Variants in XYLT2 observed in about 807,000 individuals in gnomAD.
The protein encoded by XYLT2 is xylosyltransferase 2.
In XYLT2, 37 loss-of-function variants were observed where a neutral mutation model predicts 82.6. The observed-to-expected ratio is 0.45, with a 90% CI of 0.34 to 0.59. The LOEUF (loss-of-function observed/expected upper bound fraction) is 0.59. Among genes scored for constraint, XYLT2 ranks in the 20% least tolerant of loss-of-function variants. The pLI, the probability that XYLT2 is intolerant of heterozygous loss-of-function variation, is 0.01. For synonymous variants in XYLT2, 474 were observed against 499.0 expected (o/e 0.95, Z 0.67); for missense variants, 934 against 1,181.3 (o/e 0.79, Z 3.07).
At position 50,353,687 on chromosome 17, in the gene XYLT2, G is replaced by A. The variant is rs1211266718; in HGVS notation, c.193G>A (p.Asp65Asn). The part of the protein sequence containing the change: ...LDPGEGSKDT[D>N]SSAGRRGSTG... ...CCCTGGCGAGGGTTCCAAGGACACA[G>A]ACAGTTCAGCAGGGCGACGGGGCAG... Residue 65 changes from aspartate (D) to asparagine (N), a missense_variant, in exon 2 of 11, where the codon GAC becomes AAC. Asp to Asn is a conservative substitution (Grantham distance 23). Around this residue, in one of 3 missense-constraint regions of XYLT2, gnomAD observed 371 missense variants for 394.9 expected, o/e 0.94. Transcript: ENST00000017003. 6.4e-7 allele frequency: 1 copy of A among 1,565,610 alleles called. No individual in the cohort carries two copies. Among genetic ancestry groups the A allele is most frequent in the Non-Finnish European group, 8.7e-7 (1 of 1,154,084 alleles).
At chr17:50,347,075 T>C (rs1261049036) in intron 1 of XYLT2, 6 of 331,666 alleles carry the variant, frequency 1.8e-5, no homozygotes, top group Non-Finnish European at 2.6e-5. Context: ...CGAGGGTCTT[T>C]CTCCCTCTTC....
chr17:50,358,329 G>A lies in XYLT2; in HGVS notation c.2064G>A (p.Val688=), dbSNP rs1446622815. Residue 688 remains valine (V), a synonymous_variant, in exon 10 of 11, where the codon GTG becomes GTA. Coordinates refer to ENST00000017003, the MANE Select transcript of XYLT2 (RefSeq NM_022167.4). ...WARGPNLTAT[V]VWIDPTYVVA... ...GGGGCCCCAACCTCACAGCCACAGT[G>A]GTCTGGATCGACCCAACCTATGTGG... 2 of 1,613,898 alleles carry A rather than the reference G, an allele frequency of 1.2e-6. No homozygotes were observed. The highest frequency in any genetic ancestry group is 1.7e-5 in the Admixed American group (1 of 59,998).
chr17:50,346,906 G>T lies in XYLT2; in HGVS notation c.135+631G>T. 2 of 985,402 alleles carry T rather than the reference G, an allele frequency of 2.0e-6. No individual in the cohort carries two copies. 61.0% of individuals were successfully genotyped at this position (985,402 alleles called of 1,614,324 possible). On this transcript the variant is annotated intron_variant, in intron 1 of 10. Coordinates refer to ENST00000017003, the MANE Select transcript of XYLT2 (RefSeq NM_022167.4). The surrounding 1 kb of genome is among the most constrained non-coding windows in gnomAD (Gnocchi z 5.1). ...GTTTGAAGAACCTGGATGGGTCTCC[G>T]GAGGGCAGGGAGAGGAGGAACTGAG...
chr17:50,349,113 C>A (rs1187590184), intron 1 of XYLT2, among the ~76,000 whole-genome samples: 3 of 152,238 alleles, frequency 2.0e-5, no homozygotes, highest in Admixed American at 1.3e-4. Flanking sequence ...CACATCCTGG[C>A]CCCCACCACA....
At chr17:50,355,676 C>A (rs183839043) in intron 5 of XYLT2, 95 bp downstream of exon 5, 492 of 1,586,392 alleles carry the variant, frequency 3.1e-4, no homozygotes, top group Middle Eastern at 1.2e-3. Flanking sequence ...GGTTTCAAAG[C>A]CTCCACACCA....
At chr17:50,357,996 C>T (rs954560917) in intron 9 of XYLT2, 6 of 584,682 alleles carry the variant, frequency 1.0e-5, no homozygotes, top group Admixed American at 9.0e-5. Context: ...ACCTCCACTG[C>T]CTAGCAGTCA....
rs142287035 is a variant in XYLT2 at position 50,360,490 on chromosome 17, C to T, written c.*199C>T. ...TCTCTGTTGGGGATCAGAGGGCTGGCGGGAACGCGAGAAGGGCACCAGCAG... is the reference window on the plus strand; with the variant it reads ...TCTCTGTTGGGGATCAGAGGGCTGGTGGGAACGCGAGAAGGGCACCAGCAG... On this transcript the variant is annotated 3_prime_UTR_variant, in exon 11 of 11. Coordinates refer to ENST00000017003, the MANE Select transcript of XYLT2 (RefSeq NM_022167.4). 1.4e-5 allele frequency: 18 copies of T among 1,297,010 alleles called. No homozygotes were observed. Among genetic ancestry groups the T allele is most frequent in the Middle Eastern group, 2.9e-4 (1 of 3,440 alleles). The allele number at this position is 1,297,010 out of a possible 1,614,324, so 80.3% of individuals were successfully genotyped here.
In XYLT2 at chr17:50,360,925, G is replaced by A. The variant is rs146505862; in HGVS notation, c.*634G>A. On this transcript the variant is annotated 3_prime_UTR_variant, in exon 11 of 11. Transcript: ENST00000017003. ...CAGGGGACCCTAGAAGTGGGGTGGG[G>A]CGGCTCCAGGGCTTTCCAGCATACC... 18 of 985,870 alleles carry A rather than the reference G, an allele frequency of 1.8e-5. No individual in the cohort carries two copies. The highest frequency in any genetic ancestry group is 2.2e-5 in the Non-Finnish European group (18 of 830,096). The allele number at this position is 985,870 out of a possible 1,614,324, so 61.1% of individuals were successfully genotyped here.
rs1912728230 is a variant in XYLT2, at chr17:50,359,970, T to A, written c.2277T>A (p.Asp759Glu). The part of the protein sequence containing the change: ...TFNRKLPLRK[D>E]DASWLHAGPP... Reference sequence around the variant, plus strand: ...TTACTGCCTGCTCTGCACCCACAGATGATGCCAGCTGGCTGCACGCAGGGC... The same window carrying A: ...TTACTGCCTGCTCTGCACCCACAGAAGATGCCAGCTGGCTGCACGCAGGGC... Residue 759 changes from aspartate (D) to glutamate (E), a missense_variant and splice_region_variant, in exon 11 of 11, where the codon GAT becomes GAA. Coordinates refer to ENST00000017003, the MANE Select transcript of XYLT2 (RefSeq NM_022167.4). 6.3e-7 allele frequency: 1 copy of A among 1,592,196 alleles called. No individual in the cohort carries two copies. The highest frequency in any genetic ancestry group is 1.1e-5 in the South Asian group (1 of 88,342).
chr17:50,350,382 A>G (rs1413650876), intron 1 of XYLT2, among the ~76,000 whole-genome samples: 1 of 107,600 alleles, frequency 9.3e-6, no homozygotes, highest in African/African-American at 3.2e-5. Context: ...CCTGGCCAAC[A>G]TGGTGAAACT....
rs1170645234 is a variant in XYLT2, at chr17:50,360,479, C to A, written c.*188C>A. 6.8e-6 allele frequency: 9 copies of A among 1,324,610 alleles called. No individual in the cohort carries two copies. The highest frequency in any genetic ancestry group is 8.6e-6 in the Non-Finnish European group (9 of 1,040,680). 82.1% of individuals were successfully genotyped at this position (1,324,610 alleles called of 1,614,324 possible). On this transcript the variant is annotated 3_prime_UTR_variant, in exon 11 of 11. Transcript: ENST00000017003. ...TACTGCTGATGTCTCTGTTGGGGAT[C>A]AGAGGGCTGGCGGGAACGCGAGAAG...
intron 1 of XYLT2, among the ~76,000 whole-genome samples, chr17:50,350,988 C>G (rs1204963115): frequency 6.6e-6 from 1 of 152,106 alleles, no homozygotes; most frequent in African/African-American, 2.4e-5. Context: ...GTGAGCATGA[C>G]AAATTCCCAG....
At chr17:50,350,819 G>A (rs1040558996) in intron 1 of XYLT2, among the ~76,000 whole-genome samples, 6 of 152,188 alleles carry the variant, frequency 3.9e-5, no homozygotes, top group Non-Finnish European at 5.9e-5. Flanking sequence ...CTGAGAAGAT[G>A]CCATCTGAAC....
chr17:50,348,872 C>A (rs1912143455), intron 1 of XYLT2, among the ~76,000 whole-genome samples: 1 of 152,072 alleles, frequency 6.6e-6, no homozygotes, highest in South Asian at 2.1e-4. Context: ...ATCAGAAGGG[C>A]TCCTGACCTC....
In XYLT2 at chr17:50,353,835, C is replaced by A; in HGVS notation, c.341C>A (p.Pro114His). The change falls in exon 2 of 11, where the codon CCC (proline) becomes CAC (histidine). Residue 114 changes from proline (P) to histidine (H), a missense_variant. Physicochemically the swap from Pro to His is moderately conservative, Grantham distance 77. Coordinates refer to ENST00000017003, the MANE Select transcript of XYLT2 (RefSeq NM_022167.4). ...AGCCGGCGGGTCCCACCTGCCCCAC[C>A]CCCGGAAGCCCCAGGCCGCCAGAAC... ...RASRRVPPAP[P>H]PEAPGRQNLS... 6.3e-7 allele frequency: 1 copy of A among 1,593,904 alleles called. No homozygotes were observed. Among genetic ancestry groups the A allele is most frequent in the East Asian group, 2.3e-5 (1 of 43,830 alleles).
chr17:50,358,252 G>A lies in XYLT2; in HGVS notation c.1987G>A (p.Gly663Arg). ...CAAAGAGCGTCTTTTCCGGAACTTT[G>A]GGGGGTTACTGGGGCCGCTGGACGA... is the stretch of plus-strand genomic sequence containing the variant. ...DPKERLFRNF[G>R]GLLGPLDEPV... The change falls in exon 10 of 11, where the codon GGG becomes AGG. Residue 663 changes from glycine (G) to arginine (R), a missense_variant. Physicochemically the swap from Gly to Arg is moderately radical, Grantham distance 125. Around this residue, in one of 3 missense-constraint regions of XYLT2, gnomAD observed 374 missense variants for 465.6 expected, o/e 0.80. Transcript: ENST00000017003. 6.2e-7 allele frequency: 1 copy of A among 1,612,024 alleles called. No individual in the cohort carries two copies. The highest frequency in any genetic ancestry group is 8.5e-7 in the Non-Finnish European group (1 of 1,178,898).
rs1161810213 is a variant in XYLT2, at chr17:50,356,546, C to T, written c.1518C>T (p.Phe506=). 5.0e-6 allele frequency: 8 copies of T among 1,614,032 alleles called. No homozygotes were observed. Among genetic ancestry groups the T allele is most frequent in the East Asian group, 4.5e-5 (2 of 44,896 alleles). ...GACCCACCTTCTTCGCCCGGAAGTT[C>T]GAGTCGACTGTGAACCAGGAGGTGC... ...VSRPTFFARK[F]ESTVNQEVLE... is the part of the protein sequence containing the mutation. Residue 506 remains phenylalanine (F), a synonymous_variant, in exon 8 of 11, where the codon TTC becomes TTT. Transcript: ENST00000017003.
Position 50,359,950 on chromosome 17 carries a change from G to A in XYLT2, c.2276-19G>A, listed in dbSNP as rs778213284. 3 of 1,555,082 alleles carry A rather than the reference G, an allele frequency of 1.9e-6. No individual in the cohort carries two copies. Among genetic ancestry groups the A allele is most frequent in the Non-Finnish European group, 2.6e-6 (3 of 1,146,166 alleles). On this transcript the variant is annotated intron_variant, in intron 10 of 10. Transcript: ENST00000017003. ...GTCTGTTGCAGGGGGTGTGCTTACT[G>A]CCTGCTCTGCACCCACAGATGATGC... is the stretch of plus-strand genomic sequence containing the variant.
chr17:50,354,360 C>T (rs536431949), intron 2 of XYLT2, 48 bp from the exon 3 acceptor site: 114 of 1,552,776 alleles, frequency 7.3e-5, no homozygotes, highest in Non-Finnish European at 9.6e-5. Flanking sequence ...CTCACCCCCA[C>T]CCTGTGACCT....
Sources: allele counts gnomAD v4.1 joint callset (sites outside exome capture counted in the v4.1 genomes callset), GRCh38; gene constraint gnomAD v4.1.1; regional missense constraint gnomAD v4.1.1; non-coding constraint Gnocchi (gnomAD v3.1); transcripts MANE v1.5; gene names NCBI Gene and HGNC (gene_info 2026-07-23, HGNC 2026-07-21).